EPB41L2: variants seen among roughly 807,000 people sequenced by gnomAD.
EPB41L2 encodes band 4.1-like protein 2.
In EPB41L2, 43 loss-of-function variants were observed where a neutral mutation model predicts 113.0. The ratio of observed to expected loss-of-function variants is 0.38; its 90% confidence interval spans 0.30 to 0.49. EPB41L2 has a LOEUF of 0.49. Ranked by LOEUF, EPB41L2 falls within the 20% of genes least tolerant of loss-of-function variation. The pLI is 0.95. For synonymous variants in EPB41L2, 442 were observed against 436.7 expected, an observed-to-expected ratio of 1.01 and a Z score of -0.15; for missense variants, 1,147 against 1,223.4, an observed-to-expected ratio of 0.94 and a Z score of 0.93.
intron 5 of EPB41L2, among the ~76,000 whole-genome samples, chr6:130,907,693 G>T (rs1798136382): frequency 6.6e-6 from 1 of 152,034 alleles, no homozygotes; most frequent in South Asian, 2.1e-4. Flanking sequence ...GCAAAGAAAT[G>T]ACAGGAAGAC....
At chr6:130,918,292 C>G (rs952294399) in intron 4 of EPB41L2, among the ~76,000 whole-genome samples, 2 of 152,102 alleles carry the variant, frequency 1.3e-5, no homozygotes, top group Admixed American at 6.6e-5. Context: ...CCGTGAATAT[C>G]AACTACATTT....
intron 1 of EPB41L2, among the ~76,000 whole-genome samples, chr6:131,035,292 G>A (rs1423717062): frequency 6.6e-6 from 1 of 152,200 alleles, no homozygotes; most frequent in Non-Finnish European, 1.5e-5. Context: ...GAATCAATAT[G>A]TAATATTGGG....
intron 1 of EPB41L2, among the ~76,000 whole-genome samples, chr6:131,031,055 G>A (rs1792054423): frequency 6.6e-6 from 1 of 152,000 alleles, no homozygotes; most frequent in Admixed American, 6.5e-5. Flanking sequence ...TGGTGCCACT[G>A]CACTCCAGTC....
intron 1 of EPB41L2, among the ~76,000 whole-genome samples, chr6:130,975,813 C>G (rs1360214768): frequency 6.6e-6 from 1 of 152,108 alleles, no homozygotes; most frequent in Non-Finnish European, 1.5e-5. Flanking sequence ...CACCTGAGGT[C>G]AGGAGTTCAA....
At position 130,839,717 on chromosome 6, in the gene EPB41L2, T is replaced by C. The variant is rs1335436709; in HGVS notation, c.*887A>G. On this transcript the variant is annotated 3_prime_UTR_variant, in exon 20 of 20. Coordinates refer to ENST00000337057, the MANE Select transcript of EPB41L2 (RefSeq NM_001431.4). Reference sequence around the variant, plus strand: ...CAAGAGTTCTACCCAAGTGTTCAAATAATGGAAAGAATTGAAATGTGGGTA... The same window carrying C: ...CAAGAGTTCTACCCAAGTGTTCAAACAATGGAAAGAATTGAAATGTGGGTA... 3 of 152,302 alleles carry C rather than the reference T, an allele frequency of 2.0e-5. No individual in the cohort carries two copies. In the East Asian group the frequency reaches 5.8e-4, roughly 29 times the overall value. 9.4% of individuals were successfully genotyped at this position (152,302 alleles called of 1,614,324 possible).
At chr6:131,013,239 G>GA (rs56287133) in intron 1 of EPB41L2, among the ~76,000 whole-genome samples, 237 of 150,458 alleles carry the variant, frequency 1.6e-3, no homozygotes, top group African/African-American at 5.6e-3. Flanking sequence ...GTTAACTAAA[G>GA]AAAAAAAAAA....
At chr6:130,876,187 T>G (rs1281503478) in intron 14 of EPB41L2, among the ~76,000 whole-genome samples, 1 of 152,146 alleles carries the variant, frequency 6.6e-6, no homozygotes, top group Non-Finnish European at 1.5e-5. Context: ...ATGTCACACA[T>G]GCAGGAGCAG....
intron 1 of EPB41L2, among the ~76,000 whole-genome samples, chr6:131,051,639 T>C (rs1796584232): frequency 6.6e-6 from 1 of 152,100 alleles, no homozygotes; most frequent in South Asian, 2.1e-4. Context: ...AAGTTGATTG[T>C]TGGAAAAGCC....
At chr6:130,986,649 G>A (rs1284550205) in intron 1 of EPB41L2, among the ~76,000 whole-genome samples, 1 of 151,316 alleles carries the variant, frequency 6.6e-6, no homozygotes, top group Non-Finnish European at 1.5e-5. Context: ...GCAGTGGCAC[G>A]ATCTTGGCTC....
At chr6:131,029,473 A>G (rs1791610077) in intron 1 of EPB41L2, among the ~76,000 whole-genome samples, 2 of 152,168 alleles carry the variant, frequency 1.3e-5, no homozygotes, top group East Asian at 1.9e-4. Context: ...GCACATTAAT[A>G]ACTGTCCTTT....
intron 1 of EPB41L2, among the ~76,000 whole-genome samples, chr6:131,038,258 A>G (rs1793755851): frequency 6.6e-6 from 1 of 152,170 alleles, no homozygotes; most frequent in Admixed American, 6.5e-5. Flanking sequence ...TACTTCTCTA[A>G]AAATATATAC....
chr6:130,936,451 C>T (rs1420988769), intron 3 of EPB41L2, among the ~76,000 whole-genome samples: 1 of 152,092 alleles, frequency 6.6e-6, no homozygotes, highest in East Asian at 1.9e-4. Context: ...ATTTTTAAAT[C>T]TTGTGGGGTT....
rs140894787 is a variant in EPB41L2, at chr6:130,862,281, G to A, written c.2910+1357C>T. ...AGGTGGCATTTTAAAGTGTGTAAAG[G>A]GCCTAGGTTCAATGGGGAGAGGGGG... On this transcript the variant is annotated intron_variant, in intron 18 of 19. Transcript: ENST00000337057. 4.6e-3 allele frequency among the ~76,000 whole-genome samples: 670 copies of A among 146,632 alleles called. 2 individuals carry two copies. The highest frequency in any genetic ancestry group is 6.5e-3 in the Non-Finnish European group (439 of 67,194).
chr6:130,895,001 C>A lies in EPB41L2; in HGVS notation c.1355G>T (p.Arg452Leu), dbSNP rs375639120. 1 of 1,613,638 alleles carries A rather than the reference C, an allele frequency of 6.2e-7. No individual in the cohort carries two copies. Among genetic ancestry groups the A allele is most frequent in the African/African-American group, 1.3e-5 (1 of 74,986 alleles). ...TCTGACTTTAATGTAGAAGTTACTG[C>A]GTTTATAGGAAATTTTTAAGATTTT... ...WPKILKISYK[R>L]SNFYIKVRPA... Residue 452 changes from arginine to leucine, a missense_variant, in exon 9 of 20, where the codon CGC becomes CTC. By Grantham distance (102) the Arg-to-Leu change is moderately radical. Transcript: ENST00000337057.
chr6:131,044,955 T>C (rs910368310), intron 1 of EPB41L2, among the ~76,000 whole-genome samples: 2 of 152,172 alleles, frequency 1.3e-5, no homozygotes, highest in African/African-American at 2.4e-5. Flanking sequence ...GTTTCTGTTA[T>C]TCATACATAT....
intron 19 of EPB41L2, among the ~76,000 whole-genome samples, chr6:130,846,816 C>T (rs1777178987): frequency 6.6e-6 from 1 of 152,146 alleles, no homozygotes; most frequent in South Asian, 2.1e-4. Context: ...AGATACTGAG[C>T]TTCATCTGAC....
At chr6:130,983,582 A>G (rs1779863558) in intron 1 of EPB41L2, among the ~76,000 whole-genome samples, 1 of 150,090 alleles carries the variant, frequency 6.7e-6, no homozygotes, top group Admixed American at 6.6e-5. Flanking sequence ...AGGCTGCAGT[A>G]CAGTGGTGTG....
chr6:131,038,881 T>C (rs1793876180), intron 1 of EPB41L2, among the ~76,000 whole-genome samples: 1 of 152,230 alleles, frequency 6.6e-6, no homozygotes, highest in South Asian at 2.1e-4. Context: ...CTGAGCCACA[T>C]TTATTCTGGG....
intron 3 of EPB41L2, among the ~76,000 whole-genome samples, chr6:130,954,009 TTTTAA>T (rs1816292788): frequency 6.7e-6 from 1 of 149,590 alleles, no homozygotes. Flanking sequence ...AGACAAGGAT[TTTTAA>T]TCCTCTTTTG....
Sources: allele counts gnomAD v4.1 joint callset (sites outside exome capture counted in the v4.1 genomes callset), GRCh38; gene constraint gnomAD v4.1.1; transcripts MANE v1.5; gene names NCBI Gene and HGNC (gene_info 2026-07-23, HGNC 2026-07-21).